The following FKBP1A variants were observed in gnomAD, a reference collection of about 807,000 sequenced individuals.
FKBP1A encodes the protein FKBP prolyl isomerase 1A, also known as peptidyl-prolyl cis-trans isomerase FKBP1A.
A neutral mutation model predicts 14.2 loss-of-function variants in FKBP1A; 5 were observed. The observed-to-expected ratio is 0.35, with a 90% CI of 0.18 to 0.74. The LOEUF (loss-of-function observed/expected upper bound fraction) is 0.74, where lower values mean the gene tolerates loss of function less well. Ranked by LOEUF, FKBP1A falls within the 30% of genes least tolerant of loss-of-function variation. FKBP1A has a pLI of 0.56. For synonymous variants in FKBP1A, 42 were observed against 49.1 expected, an observed-to-expected ratio of 0.86 and a Z score of 0.60; for missense variants, 53 against 138.8, an observed-to-expected ratio of 0.38 and a Z score of 3.10.
chr20:1,392,806 C>G (rs1292403121), intron 2 of FKBP1A, 28 bp downstream of exon 2: 2 of 1,474,476 alleles, frequency 1.4e-6, no homozygotes, highest in African/African-American at 1.5e-5. Flanking sequence ...GCGGCCCGGG[C>G]CCCCTCCCCG....
intron 2 of FKBP1A, among the ~76,000 whole-genome samples, chr20:1,388,055 C>T (rs2089687378): frequency 1.3e-5 from 2 of 152,134 alleles, no homozygotes; most frequent in African/African-American, 4.8e-5. Context: ...TACCTAAGCA[C>T]TCCACAGATC....
At chr20:1,391,719 A>G in intron 2 of FKBP1A, 1 of 387,478 alleles carries the variant, frequency 2.6e-6, no homozygotes, top group Non-Finnish European at 4.6e-6. Context: ...AACTGCCCAC[A>G]GCCTACTACC....
intron 2 of FKBP1A, among the ~76,000 whole-genome samples, chr20:1,385,768 A>G (rs1044418293): frequency 6.6e-6 from 1 of 152,204 alleles, no homozygotes; most frequent in African/African-American, 2.4e-5. Context: ...TGTTCTACAT[A>G]CACACCAGGG....
chr20:1,370,283 G>A, intron 4 of FKBP1A: 1 of 985,468 alleles, frequency 1.0e-6, no homozygotes, highest in Non-Finnish European at 1.2e-6. Context: ...TGATCTGTGT[G>A]TTTTGTTTAA....
At chr20:1,387,797 A>C (rs535012107) in intron 2 of FKBP1A, among the ~76,000 whole-genome samples, 30 of 152,196 alleles carry the variant, frequency 2.0e-4, no homozygotes, top group Non-Finnish European at 3.8e-4. Flanking sequence ...AGCCATGATC[A>C]AGCCACTGCA....
rs1016564481 is a variant in FKBP1A, at chr20:1,379,779, G to A, written c.86-4176C>T. On this transcript the variant is annotated intron_variant, in intron 2 of 4. Coordinates refer to ENST00000400137, the MANE Select transcript of FKBP1A (RefSeq NM_000801.5). The surrounding 1 kb of genome is among the most constrained non-coding windows in gnomAD (Gnocchi z 4.3). ...TCCGAAAGCTAAACAATAATCCCCC[G>A]AAATGGGTGGGGTGGTATGTGATTA... Among the ~76,000 whole-genome samples, 4 of 152,116 alleles carry A rather than the reference G, an allele frequency of 2.6e-5. No individual in the cohort carries two copies. Among genetic ancestry groups the A allele is most frequent in the South Asian group, 2.1e-4 (1 of 4,822 alleles).
chr20:1,387,506 G>A (rs2089680284), intron 2 of FKBP1A, among the ~76,000 whole-genome samples: 1 of 152,132 alleles, frequency 6.6e-6, no homozygotes, highest in Non-Finnish European at 1.5e-5. Flanking sequence ...CCCCCACTGG[G>A]AATGGCAATA....
Position 1,393,043 on chromosome 20 carries a change from T to C in FKBP1A, c.-45A>G. The C allele has an allele frequency of 3.8e-6, 5 of 1,311,234 alleles. No homozygotes were observed. The highest frequency in any genetic ancestry group is 5.1e-6 in the Non-Finnish European group (5 of 984,214). 81.2% of individuals were successfully genotyped at this position (1,311,234 alleles called of 1,614,324 possible). ...CGGGCGGGCGGCGCGACGGGCGGCGTGGACCAACAGCGACCTGGCGGCGGT... is the reference window on the plus strand; with the variant it reads ...CGGGCGGGCGGCGCGACGGGCGGCGCGGACCAACAGCGACCTGGCGGCGGT... On this transcript the variant is annotated 5_prime_UTR_variant, in exon 1 of 5. Transcript: ENST00000400137.
intron 2 of FKBP1A, 146 bp downstream of exon 2, chr20:1,392,688 C>G (rs1314836769): frequency 2.1e-6 from 1 of 472,924 alleles, no homozygotes; most frequent in African/African-American, 2.1e-5. Flanking sequence ...CCTGAGCCAC[C>G]GCCCAGGCCT....
intron 4 of FKBP1A, chr20:1,371,663 A>C: frequency 1.0e-6 from 1 of 965,522 alleles, no homozygotes; most frequent in Non-Finnish European, 1.2e-6. Context: ...ATTCATATCC[A>C]AAGGGCTTTT....
At position 1,372,258 on chromosome 20, in the gene FKBP1A, A is replaced by T. The variant is rs758715173; in HGVS notation, c.199-18T>A. On this transcript the variant is annotated intron_variant, in intron 3 of 4. Coordinates refer to ENST00000400137, the MANE Select transcript of FKBP1A (RefSeq NM_000801.5). ...ACACTCATCTGTGAAAAGAACAAGG[A>T]AGACAGACTCAGCTGGACACATGCC... is the stretch of plus-strand genomic sequence containing the variant. 1.9e-6 allele frequency: 3 copies of T among 1,613,280 alleles called. No individual in the cohort carries two copies. The East Asian group carries it at 6.7e-5, about 36-fold the overall frequency.
intron 4 of FKBP1A, 85 bp from the exon 5 acceptor site, chr20:1,370,157 G>A (rs1366501176): frequency 1.8e-5 from 27 of 1,510,996 alleles, no homozygotes; most frequent in South Asian, 8.8e-5. Flanking sequence ...CATCTGCCAC[G>A]CCAAATCCCT....
Position 1,379,044 on chromosome 20 carries a change from T to G in FKBP1A, c.86-3441A>C, listed in dbSNP as rs7268123. ...GTGACCCACTACATTTATTTCATGATGCATTAATGGTTCATAACCCACAAT... is the reference window on the plus strand; with the variant it reads ...GTGACCCACTACATTTATTTCATGAGGCATTAATGGTTCATAACCCACAAT... On this transcript the variant is annotated intron_variant, in intron 2 of 4. Coordinates refer to ENST00000400137, the MANE Select transcript of FKBP1A (RefSeq NM_000801.5). The surrounding 1 kb of genome is among the most constrained non-coding windows in gnomAD (Gnocchi z 4.3). Among the ~76,000 whole-genome samples, 335 of 152,334 alleles carry G rather than the reference T, an allele frequency of 2.2e-3. 1 individual carries two copies. Among genetic ancestry groups the G allele is most frequent in the African/African-American group, 7.6e-3 (316 of 41,564 alleles).
chr20:1,388,744 G>A (rs554254702), intron 2 of FKBP1A, among the ~76,000 whole-genome samples: 1 of 132,576 alleles, frequency 7.5e-6, no homozygotes, highest in South Asian at 2.6e-4. Context: ...AAGGAGCGTG[G>A]GTTGGGGGGG....
intron 2 of FKBP1A, among the ~76,000 whole-genome samples, chr20:1,384,685 T>C (rs889270717): frequency 1.3e-5 from 2 of 152,210 alleles, no homozygotes; most frequent in Non-Finnish European, 2.9e-5. Flanking sequence ...ATTCTTATTA[T>C]TCCATTTCTG....
In FKBP1A at chr20:1,392,737, C is replaced by G. The variant is rs2089754894; in HGVS notation, c.85+97G>C. ...TGCGGACCTCGCCGCCGCCACGCCC[C>G]GGACCCCAGGCCCCGGGCCCCCAGG... On this transcript the variant is annotated intron_variant, in intron 2 of 4. Transcript: ENST00000400137. 5 of 896,016 alleles carry G rather than the reference C, an allele frequency of 5.6e-6. No homozygotes were observed. In the East Asian group the frequency reaches 1.8e-4, roughly 32 times the overall value. 55.5% of individuals were successfully genotyped at this position (896,016 alleles called of 1,614,324 possible).
At chr20:1,384,539 T>TAA (rs778569491) in intron 2 of FKBP1A, among the ~76,000 whole-genome samples, 1 of 152,250 alleles carries the variant, frequency 6.6e-6, no homozygotes, top group Admixed American at 6.5e-5. Context: ...TGATTTATGT[T>TAA]AGAGTTTGAA....
intron 2 of FKBP1A, among the ~76,000 whole-genome samples, chr20:1,392,031 A>G (rs1393399749): frequency 6.6e-6 from 1 of 152,032 alleles, no homozygotes; most frequent in Non-Finnish European, 1.5e-5. Flanking sequence ...GGGGAGGGGG[A>G]GGTGTCTAAA....
chr20:1,369,938 T>C lies in FKBP1A; in HGVS notation c.*171A>G. On this transcript the variant is annotated 3_prime_UTR_variant, in exon 5 of 5. Transcript: ENST00000400137. ...GAAAGGGGAAGAGGAAACAGAGGTG[T>C]CGGAAGCAAAGCTGAGTGACAGAAC... 7.2e-7 allele frequency: 1 copy of C among 1,389,104 alleles called. No homozygotes were observed. Among genetic ancestry groups the C allele is most frequent in the South Asian group, 1.4e-5 (1 of 73,670 alleles). The allele number at this position is 1,389,104 out of a possible 1,614,324, so 86.0% of individuals were successfully genotyped here. A position where few individuals can be genotyped will look rare whatever the true frequency, so the allele number is the denominator to read the frequency against.
Sources: allele counts gnomAD v4.1 joint callset (sites outside exome capture counted in the v4.1 genomes callset), GRCh38; gene constraint gnomAD v4.1.1; non-coding constraint Gnocchi (gnomAD v3.1); transcripts MANE v1.5; gene names NCBI Gene and HGNC (gene_info 2026-07-23, HGNC 2026-07-21).